Variants in MIB1 observed in about 807,000 individuals in gnomAD.
MIB1 encodes E3 ubiquitin-protein ligase MIB1.
MIB1 carries 278 observed loss-of-function variants against 124.5 expected under a neutral mutation model. That is an observed-to-expected ratio of 2.23 (90% CI 2.02 to 2.47). The LOEUF is 2.47. MIB1 is among the 30% of genes most tolerant of loss of function. The pLI is 0.00. For missense variants in MIB1, 957 were observed against 1,254.4 expected, an observed-to-expected ratio of 0.76 and a Z score of 3.58; for synonymous variants, 446 against 429.4, an observed-to-expected ratio of 1.04 and a Z score of -0.48.
chr18:21,835,489 C>T (rs533853513), intron 12 of MIB1, among the ~76,000 whole-genome samples: 14 of 152,050 alleles, frequency 9.2e-5, no homozygotes, highest in African/African-American at 3.1e-4. Flanking sequence ...AGGAGGAGCC[C>T]GGGTGCGGTG....
chr18:21,714,918 G>A (rs2040682623), intron 1 of MIB1, among the ~76,000 whole-genome samples: 1 of 152,212 alleles, frequency 6.6e-6, no homozygotes, highest in African/African-American at 2.4e-5. Context: ...CCTAGCTCAT[G>A]AAAAGGCAGT....
chr18:21,815,045 AT>A (rs1568212959), intron 10 of MIB1, among the ~76,000 whole-genome samples: 53 of 130,830 alleles, frequency 4.1e-4, no homozygotes, highest in African/African-American at 1.6e-3. Flanking sequence ...ATATATATAT[AT>A]ATATATATAT....
At chr18:21,799,708 G>A (rs1021019547) in intron 8 of MIB1, 133 bp from the exon 9 acceptor site, 10 of 867,380 alleles carry the variant, frequency 1.2e-5, no homozygotes, top group Admixed American at 3.1e-5. Context: ...TAACTTGCAT[G>A]GGTAGAAAAA....
chr18:21,713,118 C>A (rs942266569), intron 1 of MIB1, among the ~76,000 whole-genome samples: 1 of 151,888 alleles, frequency 6.6e-6, no homozygotes, highest in African/African-American at 2.4e-5. Context: ...TTACCATGCC[C>A]AGCTTATTTT....
chr18:21,779,382 C>T, intron 5 of MIB1, 99 bp from the exon 6 acceptor site: 1 of 939,170 alleles, frequency 1.1e-6, no homozygotes, highest in East Asian at 2.4e-5. Flanking sequence ...CTAGATGGTA[C>T]CTGAAACTAA....
chr18:21,755,607 G>A (rs2041023228), intron 1 of MIB1, among the ~76,000 whole-genome samples: 1 of 152,168 alleles, frequency 6.6e-6, no homozygotes. Context: ...GAGCCACCGT[G>A]CCCGGCCAAC....
chr18:21,862,149 G>A (rs769745515), intron 20 of MIB1, among the ~76,000 whole-genome samples: 2 of 152,048 alleles, frequency 1.3e-5, no homozygotes, highest in African/African-American at 4.8e-5. Flanking sequence ...CTCTTACCTC[G>A]GCCTCCCAAA....
intron 12 of MIB1, among the ~76,000 whole-genome samples, chr18:21,824,913 A>G (rs913318641): frequency 1.3e-5 from 2 of 152,074 alleles, no homozygotes; most frequent in Non-Finnish European, 2.9e-5. Flanking sequence ...GTTTATCCCC[A>G]CTGAAGGAGA....
intron 8 of MIB1, among the ~76,000 whole-genome samples, chr18:21,798,439 T>G (rs2041611533): frequency 6.6e-6 from 1 of 152,116 alleles, no homozygotes; most frequent in Admixed American, 6.6e-5. Context: ...CTGGCTGAAG[T>G]ACTCCCTGGA....
intron 11 of MIB1, 55 bp from the exon 12 acceptor site, chr18:21,819,440 C>G (rs1487832741): frequency 8.7e-7 from 1 of 1,148,208 alleles, no homozygotes; most frequent in African/African-American, 1.5e-5. Context: ...GTAAGTATTA[C>G]TATTAGATGG....
intron 18 of MIB1, among the ~76,000 whole-genome samples, chr18:21,854,381 CCTGA>C (rs1245975310): frequency 3.9e-5 from 6 of 152,150 alleles, no homozygotes; most frequent in African/African-American, 1.4e-4. Context: ...AATAAATGGG[CCTGA>C]CTGTGTTCAA....
rs891374930 is a variant in MIB1 at position 21,868,061 on chromosome 18, T to G, written c.*3395T>G. 6.6e-6 allele frequency: 1 copy of G among 152,068 alleles called. No individual in the cohort carries two copies. The highest frequency in any genetic ancestry group is 2.1e-4 in the South Asian group (1 of 4,830). The allele number at this position is 152,068 out of a possible 1,614,324, so 9.4% of individuals were successfully genotyped here. On this transcript the variant is annotated 3_prime_UTR_variant, in exon 21 of 21. Coordinates refer to ENST00000261537, the MANE Select transcript of MIB1 (RefSeq NM_020774.4). ...ACTTATCCTATCAGAATGTCTACCA[T>G]GTTTTATAGTAATAATTTGTGTAAA... is the stretch of plus-strand genomic sequence containing the variant.
At chr18:21,778,001 T>A (rs1448610414) in intron 4 of MIB1, 102 bp from the exon 5 acceptor site, 1 of 785,998 alleles carries the variant, frequency 1.3e-6, no homozygotes, top group African/African-American at 1.7e-5. Context: ...TGTTCTTGAT[T>A]TCTGTTTTGG....
intron 10 of MIB1, among the ~76,000 whole-genome samples, chr18:21,808,977 G>A (rs938391838): frequency 1.3e-5 from 2 of 152,076 alleles, no homozygotes; most frequent in African/African-American, 2.4e-5. Flanking sequence ...GAGAAGATTA[G>A]TAGTAGGGAA....
In MIB1 at chr18:21,819,625, C is replaced by CTGCA; in HGVS notation, c.1809_1812dup (p.Leu605CysfsTer15). The CTGCA allele has an allele frequency of 1.9e-6, 3 of 1,589,818 alleles. No individual in the cohort carries two copies. Among genetic ancestry groups the CTGCA allele is most frequent in the Non-Finnish European group, 2.6e-6 (3 of 1,168,070 alleles). On this transcript the variant is annotated frameshift_variant, in exon 12 of 21. Coordinates refer to ENST00000261537, the MANE Select transcript of MIB1 (RefSeq NM_020774.4). LOFTEE classifies it high-confidence loss of function. Reference sequence around the variant, plus strand: ...AATGGATTTAATGCTCTGCATCATGCTGCACTAAGGGGAAATCCCAGGTAT... The same window carrying CTGCA: ...AATGGATTTAATGCTCTGCATCATGCTGCATGCACTAAGGGGAAATCCCAGGTAT...
At chr18:21,831,682 A>G (rs1418155135) in intron 12 of MIB1, among the ~76,000 whole-genome samples, 1 of 151,710 alleles carries the variant, frequency 6.6e-6, no homozygotes, top group Non-Finnish European at 1.5e-5. Flanking sequence ...AAGCACTGCC[A>G]AATAAAGCGG....
Position 21,756,646 on chromosome 18 carries a change from T to C in MIB1, c.230-9126T>C, listed in dbSNP as rs147345552. 1.4e-4 allele frequency among the ~76,000 whole-genome samples: 21 copies of C among 152,210 alleles called. No individual in the cohort carries two copies. The East Asian group carries it at 3.5e-3, about 25-fold the overall frequency. The stretch of plus-strand genomic sequence containing the variant: ...TGGCCGGCAAATTTTGTATTTTTAG[T>C]AAAGATGGGGTTTCGCCATGTTGGC... On this transcript the variant is annotated intron_variant, in intron 1 of 20. Transcript: ENST00000261537.
rs1025074920 is a variant in MIB1, at chr18:21,868,577, A to T, written c.*3911A>T. On this transcript the variant is annotated 3_prime_UTR_variant, in exon 21 of 21. Coordinates refer to ENST00000261537, the MANE Select transcript of MIB1 (RefSeq NM_020774.4). ...ACAATTGGGAACATAATAGATTTTC[A>T]TAAATTATGTGTGCCTTGTTGGAAG... is the stretch of plus-strand genomic sequence containing the variant. 2.6e-5 allele frequency: 4 copies of T among 152,440 alleles called. No homozygotes were observed. Among genetic ancestry groups the T allele is most frequent in the African/African-American group, 9.6e-5 (4 of 41,456 alleles). 9.4% of individuals were successfully genotyped at this position (152,440 alleles called of 1,614,324 possible). A position where few individuals can be genotyped will look rare whatever the true frequency, so the allele number is the denominator to read the frequency against.
chr18:21,767,450 G>T (rs1003538631), intron 2 of MIB1, among the ~76,000 whole-genome samples: 5 of 152,152 alleles, frequency 3.3e-5, no homozygotes, highest in Non-Finnish European at 7.3e-5. Context: ...CTCCCTCGAC[G>T]TGTGGGAATT....
Sources: gnomAD v4.1 joint callset for allele counts (sites outside exome capture counted in the v4.1 genomes callset) on GRCh38, gnomAD v4.1.1 for gene constraint, MANE v1.5 for transcripts, NCBI Gene and HGNC (gene_info 2026-07-23, HGNC 2026-07-21) for gene names.